LRP1B: variants seen among roughly 807,000 people sequenced by gnomAD.
The protein encoded by LRP1B is low-density lipoprotein receptor-related protein 1B.
A neutral mutation model predicts 556.6 loss-of-function variants in LRP1B; 217 were observed. The observed-to-expected ratio is 0.39, with a 90% CI of 0.35 to 0.44. The LOEUF (loss-of-function observed/expected upper bound fraction) is 0.44, where lower values mean the gene tolerates loss of function less well. Among genes scored for constraint, LRP1B ranks in the 20% least tolerant of loss-of-function variants. LRP1B has a pLI of 1.00. For missense variants in LRP1B, 5,053 were observed against 5,620.8 expected (o/e 0.90, Z 3.23); for synonymous variants, 2,047 against 1,865.8 (o/e 1.10, Z -2.50).
intron 7 of LRP1B, among the ~76,000 whole-genome samples, chr2:141,088,161 A>G (rs1700091930): frequency 1.3e-5 from 2 of 152,190 alleles, no homozygotes; most frequent in Admixed American, 6.5e-5. Flanking sequence ...TTAGTTATGT[A>G]CAATAGAAAT....
chr2:140,709,623 T>C (rs1363239420), intron 37 of LRP1B, among the ~76,000 whole-genome samples: 1 of 152,116 alleles, frequency 6.6e-6, no homozygotes, highest in Non-Finnish European at 1.5e-5. Flanking sequence ...GTCTCTATTG[T>C]TTAAAAACAG....
chr2:141,782,056 T>C (rs976531437), intron 2 of LRP1B, among the ~76,000 whole-genome samples: 1 of 152,160 alleles, frequency 6.6e-6, no homozygotes, highest in African/African-American at 2.4e-5. Context: ...TGAGGAATAT[T>C]GCCTAATTGT....
intron 37 of LRP1B, among the ~76,000 whole-genome samples, chr2:140,706,138 T>C (rs1156386275): frequency 6.6e-6 from 1 of 152,114 alleles, no homozygotes; most frequent in African/African-American, 2.4e-5. Flanking sequence ...ATGTGGTCTT[T>C]AGCAATAGGA....
At chr2:141,034,639 A>G (rs1307426012) in intron 11 of LRP1B, among the ~76,000 whole-genome samples, 1 of 151,896 alleles carries the variant, frequency 6.6e-6, no homozygotes, top group African/African-American at 2.4e-5. Context: ...GAGAAATGCA[A>G]ATCAAAACCA....
chr2:141,535,109 A>G (rs745921178), intron 2 of LRP1B, among the ~76,000 whole-genome samples: 12 of 152,114 alleles, frequency 7.9e-5, no homozygotes, highest in Non-Finnish European at 1.2e-4. Context: ...CCATCTTCTA[A>G]CAATTATCTG....
chr2:140,681,690 A>G (rs1394275518), intron 41 of LRP1B, among the ~76,000 whole-genome samples: 2 of 152,184 alleles, frequency 1.3e-5, no homozygotes, highest in African/African-American at 4.8e-5. Flanking sequence ...ATTTTGTGCA[A>G]AAATATTATA....
At chr2:141,944,185 G>A (rs543392121) in intron 1 of LRP1B, among the ~76,000 whole-genome samples, 1 of 152,316 alleles carries the variant, frequency 6.6e-6, no homozygotes, top group East Asian at 1.9e-4. Flanking sequence ...CCAGCTGGGA[G>A]GAGTATTTAT....
chr2:141,123,531 ACTAG>A (rs987966056), intron 7 of LRP1B, among the ~76,000 whole-genome samples: 1 of 152,154 alleles, frequency 6.6e-6, no homozygotes, highest in Admixed American at 6.6e-5. Context: ...CAAATTTTAA[ACTAG>A]CTACTATTCT....
chr2:141,749,407 C>T (rs1694027059), intron 2 of LRP1B, among the ~76,000 whole-genome samples: 1 of 152,016 alleles, frequency 6.6e-6, no homozygotes, highest in Non-Finnish European at 1.5e-5. Flanking sequence ...GTCAAGAGTG[C>T]TGTCTGATTT....
chr2:140,302,587 A>C (rs1558784292), intron 83 of LRP1B, among the ~76,000 whole-genome samples: 1 of 152,150 alleles, frequency 6.6e-6, no homozygotes, highest in Non-Finnish European at 1.5e-5. Context: ...GTGTCTGTAG[A>C]GGTGGTTGTG....
intron 84 of LRP1B, among the ~76,000 whole-genome samples, chr2:140,280,281 T>TGC (rs1458719637): frequency 4.6e-5 from 7 of 151,614 alleles, no homozygotes; most frequent in Non-Finnish European, 1.0e-4. Flanking sequence ...TAAAATAAAG[T>TGC]TGGAAATAGT....
intron 28 of LRP1B, among the ~76,000 whole-genome samples, chr2:140,851,197 A>G (rs1391079375): frequency 6.6e-6 from 1 of 152,170 alleles, no homozygotes; most frequent in African/African-American, 2.4e-5. Flanking sequence ...TCCAAGTTAT[A>G]TATTTTATTT....
chr2:141,401,300 T>C (rs540803200), intron 3 of LRP1B, among the ~76,000 whole-genome samples: 1 of 152,320 alleles, frequency 6.6e-6, no homozygotes, highest in Admixed American at 6.5e-5. Flanking sequence ...AAGAATGGAA[T>C]GCTAGTCACC....
chr2:140,274,459 G>A lies in LRP1B; in HGVS notation c.13107C>T (p.Cys4369=), dbSNP rs2104951894. Residue 4369 remains cysteine, a synonymous_variant, in exon 85 of 91, where the codon TGC becomes TGT. Transcript: ENST00000389484. ...TATCTTCACTGTCTTTATTTATAAT[G>A]CAGTGCCCCCCATGGCACCTTACAC... ...DKCVRCHGGH[C]IINKDSEDIF... The A allele has an allele frequency of 6.2e-7, 1 of 1,612,498 alleles. No individual in the cohort carries two copies. Among genetic ancestry groups the A allele is most frequent in the African/African-American group, 1.3e-5 (1 of 74,912 alleles).
At chr2:140,731,634 G>C (rs1687779966) in intron 35 of LRP1B, among the ~76,000 whole-genome samples, 1 of 151,906 alleles carries the variant, frequency 6.6e-6, no homozygotes, top group African/African-American at 2.4e-5. Flanking sequence ...TGGGCGTGGT[G>C]GCCCGTGCCT....
chr2:141,910,659 A>G (rs1190240410), intron 1 of LRP1B, among the ~76,000 whole-genome samples: 1 of 152,108 alleles, frequency 6.6e-6, no homozygotes, highest in Non-Finnish European at 1.5e-5. Flanking sequence ...TTTATCTATG[A>G]TACAGTGCAT....
chr2:141,612,673 T>TAGG (rs1688147042), intron 2 of LRP1B, among the ~76,000 whole-genome samples: 1 of 152,050 alleles, frequency 6.6e-6, no homozygotes, highest in African/African-American at 2.4e-5. Context: ...TTCTGAAAGA[T>TAGG]TCTTCACATT....
chr2:141,288,531 AC>A (rs1203092728), intron 3 of LRP1B, among the ~76,000 whole-genome samples: 1 of 152,148 alleles, frequency 6.6e-6, no homozygotes, highest in Non-Finnish European at 1.5e-5. Context: ...AGATCAAGAT[AC>A]TACAATAGGT....
At chr2:140,683,087 A>G (rs1447704969) in intron 41 of LRP1B, among the ~76,000 whole-genome samples, 1 of 152,200 alleles carries the variant, frequency 6.6e-6, no homozygotes, top group Non-Finnish European at 1.5e-5. Context: ...GACTACGCTG[A>G]TGCAAAAGTA....
Sources: gnomAD v4.1 joint callset for allele counts (sites outside exome capture counted in the v4.1 genomes callset) on GRCh38, gnomAD v4.1.1 for gene constraint, MANE v1.5 for transcripts, NCBI Gene and HGNC (gene_info 2026-07-23, HGNC 2026-07-21) for gene names.